Variants in DOK5 observed in about 807,000 individuals in gnomAD.
The protein encoded by DOK5 is docking protein 5, also known as downstream of tyrosine kinase 5.
DOK5 carries 27 observed loss-of-function variants against 43.3 expected under a neutral mutation model. The ratio of observed to expected loss-of-function variants is 0.62; its 90% CI spans 0.46 to 0.86. DOK5 has a LOEUF of 0.86. DOK5 is among the 40% of genes least tolerant of loss of function. The probability of loss-of-function intolerance (pLI) is 0.00; values close to 1 mark genes in which losing one functional copy is unlikely to be tolerated. For missense variants in DOK5, 373 were observed against 392.9 expected, an observed-to-expected ratio of 0.95 and a Z score of 0.43; for synonymous variants, 146 against 140.1, an observed-to-expected ratio of 1.04 and a Z score of -0.30.
In DOK5 at chr20:54,621,402, G is replaced by A. The variant is rs115454383; in HGVS notation, c.735+10879G>A. On this transcript the variant is annotated intron_variant, in intron 6 of 7. Transcript: ENST00000262593. ...TCTTTCACTTCAAGTACATAAAAATGCATGATTGGCTGGGTGCGGTGGCTC... is the reference window on the plus strand; with the variant it reads ...TCTTTCACTTCAAGTACATAAAAATACATGATTGGCTGGGTGCGGTGGCTC... Among the ~76,000 whole-genome samples, 510 of 152,290 alleles carry A rather than the reference G, an allele frequency of 3.3e-3. 3 individuals carry two copies. Among genetic ancestry groups the A allele is most frequent in the African/African-American group, 0.011 (477 of 41,568 alleles).
At chr20:54,572,721 A>G (rs1045297766) in intron 2 of DOK5, among the ~76,000 whole-genome samples, 23 of 152,154 alleles carry the variant, frequency 1.5e-4, no homozygotes, top group African/African-American at 5.6e-4. Context: ...TGGGAACCAT[A>G]TAGATCAGAT....
intron 2 of DOK5, among the ~76,000 whole-genome samples, chr20:54,558,597 A>G (rs1215106069): frequency 6.6e-6 from 1 of 152,192 alleles, no homozygotes; most frequent in Non-Finnish European, 1.5e-5. Flanking sequence ...ATAATAAAAT[A>G]CTGGGGTTAT....
At chr20:54,494,055 G>C (rs1182178450) in intron 1 of DOK5, among the ~76,000 whole-genome samples, 2 of 152,194 alleles carry the variant, frequency 1.3e-5, no homozygotes, top group African/African-American at 4.8e-5. Flanking sequence ...TGTTTTGAGA[G>C]TGTTGTTTTG....
intron 1 of DOK5, among the ~76,000 whole-genome samples, chr20:54,538,589 GT>G (rs1476355788): frequency 1.3e-5 from 2 of 152,162 alleles, no homozygotes; most frequent in African/African-American, 2.4e-5. Flanking sequence ...CCCCTCTCAA[GT>G]TTTCTAAATT....
At chr20:54,489,677 C>A (rs113420145) in intron 1 of DOK5, among the ~76,000 whole-genome samples, 4,022 of 151,806 alleles carry the variant, frequency 0.026, 170 homozygotes, top group African/African-American at 0.088. Context: ...CTAAGAGGTT[C>A]AGTTTTTGGC....
intron 6 of DOK5, among the ~76,000 whole-genome samples, chr20:54,641,381 C>G (rs1263997293): frequency 6.6e-6 from 1 of 151,892 alleles, no homozygotes; most frequent in Non-Finnish European, 1.5e-5. Context: ...GAGTTTTGGT[C>G]TTCAACATAT....
intron 2 of DOK5, among the ~76,000 whole-genome samples, chr20:54,563,894 T>A (rs547990501): frequency 5.6e-4 from 85 of 152,270 alleles, no homozygotes; most frequent in African/African-American, 1.9e-3. Flanking sequence ...AAATTTTTTT[T>A]AAATCTCTTA....
intron 7 of DOK5, among the ~76,000 whole-genome samples, chr20:54,648,619 A>G (rs1979555133): frequency 6.6e-6 from 1 of 152,206 alleles, no homozygotes; most frequent in Non-Finnish European, 1.5e-5. Context: ...AAGATCAGGA[A>G]GGAGCCAGTG....
At position 54,503,522 on chromosome 20, in the gene DOK5, A is replaced by G. The variant is rs149662068; in HGVS notation, c.66+27510A>G. Among the ~76,000 whole-genome samples the G allele has an allele frequency of 1.8e-3, 272 of 152,264 alleles. 5 individuals are homozygous for G. Among genetic ancestry groups the G allele is most frequent in the Admixed American group, 0.016 (244 of 15,294 alleles). ...CAAATGTCATTTATTCATCCTCTTC[A>G]CAGTCTTTGTCATATGTGTGAATAG... On this transcript the variant is annotated intron_variant, in intron 1 of 7. Coordinates refer to ENST00000262593, the MANE Select transcript of DOK5 (RefSeq NM_018431.5).
chr20:54,643,794 G>A (rs993925429), intron 7 of DOK5, among the ~76,000 whole-genome samples: 1 of 152,166 alleles, frequency 6.6e-6, no homozygotes, highest in African/African-American at 2.4e-5. Context: ...ACAGTGTCCG[G>A]GGGGAAGTCA....
chr20:54,617,464 A>T lies in DOK5; in HGVS notation c.735+6941A>T, dbSNP rs141764345. ...TGAGTATCTAGGACTACTGGCATGC[A>T]TCACCATGTCTGGTTCCTTTTATTT... On this transcript the variant is annotated intron_variant, in intron 6 of 7. Coordinates refer to ENST00000262593, the MANE Select transcript of DOK5 (RefSeq NM_018431.5). Among the ~76,000 whole-genome samples, 854 of 152,118 alleles carry T rather than the reference A, an allele frequency of 5.6e-3. 9 individuals carry two copies. The highest frequency in any genetic ancestry group is 0.019 in the African/African-American group (804 of 41,498).
In DOK5 at chr20:54,509,876, C is replaced by A. The variant is rs573990374; in HGVS notation, c.66+33864C>A. ...GCCTGGGAGCTAGTCGACTAAAAAC[C>A]ACCCAGTTACACTGCGATCTGGAAA... On this transcript the variant is annotated intron_variant, in intron 1 of 7. Coordinates refer to ENST00000262593, the MANE Select transcript of DOK5 (RefSeq NM_018431.5). 2.6e-5 allele frequency among the ~76,000 whole-genome samples: 4 copies of A among 151,764 alleles called. No individual in the cohort carries two copies. In the South Asian group the frequency reaches 8.4e-4, roughly 32 times the overall value.
chr20:54,608,314 C>T lies in DOK5; in HGVS notation c.600-2074C>T, dbSNP rs114953431. Among the ~76,000 whole-genome samples, 634 of 152,252 alleles carry T rather than the reference C, an allele frequency of 4.2e-3. 3 individuals are homozygous for T. Among genetic ancestry groups the T allele is most frequent in the African/African-American group, 0.015 (622 of 41,538 alleles). ...CAGGGGAAACCAGTGGCCACTTTTT[C>T]CTCTTAAAGAATTGATTAAGATTAC... On this transcript the variant is annotated intron_variant, in intron 5 of 7. Coordinates refer to ENST00000262593, the MANE Select transcript of DOK5 (RefSeq NM_018431.5).
chr20:54,546,347 A>G (rs995761200), intron 1 of DOK5, among the ~76,000 whole-genome samples: 1 of 152,220 alleles, frequency 6.6e-6, no homozygotes, highest in Non-Finnish European at 1.5e-5. Context: ...TGCCAATAGG[A>G]GTAGCACATG....
chr20:54,583,919 G>T (rs1490488487), intron 2 of DOK5, among the ~76,000 whole-genome samples: 13 of 151,746 alleles, frequency 8.6e-5, no homozygotes, highest in Non-Finnish European at 1.9e-4. Context: ...CTAGCACTTT[G>T]GGAGGCTGAG....
intron 5 of DOK5, among the ~76,000 whole-genome samples, chr20:54,602,917 C>T (rs1253372049): frequency 6.6e-6 from 1 of 152,150 alleles, no homozygotes. Flanking sequence ...GTGATCCACC[C>T]GCCTAGGCCT....
chr20:54,611,161 G>T (rs1376670869), intron 6 of DOK5, among the ~76,000 whole-genome samples: 1 of 152,120 alleles, frequency 6.6e-6, no homozygotes, highest in Non-Finnish European at 1.5e-5. Context: ...CACAGTCATC[G>T]GTATATAAAG....
intron 6 of DOK5, among the ~76,000 whole-genome samples, chr20:54,611,029 T>C (rs1007522295): frequency 6.6e-6 from 1 of 152,194 alleles, no homozygotes; most frequent in African/African-American, 2.4e-5. Flanking sequence ...AGTCTATATG[T>C]AATACCTGCT....
In DOK5 at chr20:54,545,486, C is replaced by T. The variant is rs148279683; in HGVS notation, c.67-9447C>T. 9.2e-5 allele frequency among the ~76,000 whole-genome samples: 14 copies of T among 152,246 alleles called. No individual in the cohort carries two copies. The East Asian group carries it at 2.7e-3, about 29-fold the overall frequency. On this transcript the variant is annotated intron_variant, in intron 1 of 7. Transcript: ENST00000262593. ...CCAGATAGTGGACTGTCCAGGCCAG[C>T]AGGGAGTCATTTAGCCTGAACACTA... is the stretch of plus-strand genomic sequence containing the variant.
Sources: gnomAD v4.1 joint callset for allele counts (sites outside exome capture counted in the v4.1 genomes callset) on GRCh38, gnomAD v4.1.1 for gene constraint, MANE v1.5 for transcripts, NCBI Gene and HGNC (gene_info 2026-07-23, HGNC 2026-07-21) for gene names.